GRM7: variants seen among roughly 807,000 people sequenced by gnomAD.
The protein encoded by GRM7 is metabotropic glutamate receptor 7.
Under a neutral mutation model 84.5 loss-of-function variants are expected in GRM7, and 35 were observed. The observed-to-expected ratio is 0.41, with a 90% CI of 0.32 to 0.55. The LOEUF is 0.55. Among genes scored for constraint, GRM7 ranks in the 20% least tolerant of loss-of-function variants. GRM7 has a pLI of 0.19. For synonymous variants in GRM7, 487 were observed against 455.1 expected, an observed-to-expected ratio of 1.07 and a Z score of -0.89; for missense variants, 1,003 against 1,194.6, an observed-to-expected ratio of 0.84 and a Z score of 2.36.
chr3:7,664,345 A>C (rs1699589781), intron 8 of GRM7, among the ~76,000 whole-genome samples: 1 of 152,148 alleles, frequency 6.6e-6, no homozygotes, highest in East Asian at 1.9e-4. Flanking sequence ...TGCACTTCCC[A>C]GGATTCCACT....
chr3:6,903,676 G>A (rs926916927), intron 1 of GRM7, among the ~76,000 whole-genome samples: 1 of 152,104 alleles, frequency 6.6e-6, no homozygotes, highest in African/African-American at 2.4e-5. Context: ...GAATGGCTAA[G>A]GTAGAAGTTG....
chr3:7,669,653 A>C (rs1193640597), intron 8 of GRM7, among the ~76,000 whole-genome samples: 2 of 152,182 alleles, frequency 1.3e-5, no homozygotes, highest in African/African-American at 2.4e-5. Context: ...TAGAAGCCTG[A>C]CGACAGGCCC....
intron 4 of GRM7, among the ~76,000 whole-genome samples, chr3:7,412,734 GA>G (rs1261745480): frequency 6.6e-6 from 1 of 151,978 alleles, no homozygotes; most frequent in African/African-American, 2.4e-5. Flanking sequence ...ATTAATTTTT[GA>G]AATTAAATTT....
At chr3:7,274,635 G>GT in intron 2 of GRM7, among the ~76,000 whole-genome samples, 1 of 151,942 alleles carries the variant, frequency 6.6e-6, no homozygotes, top group East Asian at 1.9e-4. Flanking sequence ...GAGATTGTCT[G>GT]TAATTCTTAT....
chr3:7,484,898 A>C (rs1699264492), intron 7 of GRM7, among the ~76,000 whole-genome samples: 2 of 152,162 alleles, frequency 1.3e-5, no homozygotes, highest in South Asian at 4.1e-4. Context: ...TTACAAAAAG[A>C]CTGTGGTGTC....
At chr3:7,675,538 T>G (rs1450224062) in intron 8 of GRM7, among the ~76,000 whole-genome samples, 1 of 152,212 alleles carries the variant, frequency 6.6e-6, no homozygotes, top group East Asian at 1.9e-4. Flanking sequence ...CATTCATATT[T>G]TATCCAACAA....
chr3:7,228,599 G>T (rs535621680), intron 2 of GRM7, among the ~76,000 whole-genome samples: 48 of 152,122 alleles, frequency 3.2e-4, no homozygotes, highest in Non-Finnish European at 6.3e-4. Flanking sequence ...TTTATATCCC[G>T]TGTATACGGA....
chr3:6,927,720 C>T (rs954099664), intron 1 of GRM7, among the ~76,000 whole-genome samples: 2 of 151,934 alleles, frequency 1.3e-5, no homozygotes, highest in African/African-American at 4.8e-5. Context: ...CTGTTTATGT[C>T]ATTTTTATCT....
Position 7,392,064 on chromosome 3 carries a change from A to G in GRM7, c.1034-22959A>G, listed in dbSNP as rs1695023199. Among the ~76,000 whole-genome samples, 6 of 152,126 alleles carry G rather than the reference A, an allele frequency of 3.9e-5. No homozygotes were observed. In the South Asian group the frequency reaches 1.2e-3, roughly 32 times the overall value. The stretch of plus-strand genomic sequence containing the variant: ...AGTTTCACGTTTTCTTTGACCCAAG[A>G]GGGCCTTTGGCAGACTGTGCTATCC... On this transcript the variant is annotated intron_variant, in intron 4 of 9. Transcript: ENST00000357716.
chr3:7,234,035 C>G (rs545832719), intron 2 of GRM7, among the ~76,000 whole-genome samples: 3 of 152,048 alleles, frequency 2.0e-5, no homozygotes, highest in Admixed American at 2.0e-4. Flanking sequence ...TTGTATTGCC[C>G]TAGGCTTTAA....
chr3:7,224,285 G>A (rs1209096545), intron 2 of GRM7, among the ~76,000 whole-genome samples: 8 of 152,150 alleles, frequency 5.3e-5, no homozygotes, highest in Non-Finnish European at 1.2e-4. Flanking sequence ...GAGAGAGGAG[G>A]CGAGGTGCTA....
chr3:7,182,835 A>G (rs1369508928), intron 2 of GRM7, among the ~76,000 whole-genome samples: 4 of 148,778 alleles, frequency 2.7e-5, no homozygotes, highest in Non-Finnish European at 5.9e-5. Context: ...TTCATATACA[A>G]TTTTATCTTG....
At position 7,678,901 on chromosome 3, in the gene GRM7, G is replaced by GACAA. The variant is rs1410690282; in HGVS notation, c.2452-1144_2452-1141dup. On this transcript the variant is annotated intron_variant, in intron 8 of 9. Transcript: ENST00000357716. Reference sequence around the variant, plus strand: ...ATAGGTAGGAAAAAGGTGTCCATTAGACAAACACATGAGCCTATCCATTGT... The same window carrying GACAA: ...ATAGGTAGGAAAAAGGTGTCCATTAGACAAACAAACACATGAGCCTATCCATTGT... Among the ~76,000 whole-genome samples, 4 of 152,314 alleles carry GACAA rather than the reference G, an allele frequency of 2.6e-5. No individual in the cohort carries two copies. The East Asian group carries it at 7.7e-4, about 29-fold the overall frequency.
intron 1 of GRM7, among the ~76,000 whole-genome samples, chr3:7,122,648 A>C (rs1283881891): frequency 1.3e-5 from 2 of 152,212 alleles, no homozygotes; most frequent in Non-Finnish European, 2.9e-5. Context: ...GTAATTACCT[A>C]ACTTTATTCT....
At chr3:7,388,098 A>G (rs1055720045) in intron 4 of GRM7, among the ~76,000 whole-genome samples, 4 of 151,994 alleles carry the variant, frequency 2.6e-5, no homozygotes, top group African/African-American at 7.2e-5. Flanking sequence ...CTTGAATGTT[A>G]TTGGTGGATA....
chr3:7,324,176 A>C (rs1389238334), intron 4 of GRM7, among the ~76,000 whole-genome samples: 1 of 152,190 alleles, frequency 6.6e-6, no homozygotes, highest in African/African-American at 2.4e-5. Flanking sequence ...GTGTGTTTTC[A>C]GGCAATGGTG....
intron 7 of GRM7, among the ~76,000 whole-genome samples, chr3:7,489,558 T>A (rs1260990301): frequency 6.6e-6 from 1 of 152,114 alleles, no homozygotes; most frequent in African/African-American, 2.4e-5. Flanking sequence ...TCTGTAAGGG[T>A]GGTGCTTCAG....
At chr3:7,473,528 G>GAGAGAGAGAA (rs1698797968) in intron 7 of GRM7, among the ~76,000 whole-genome samples, 2 of 138,928 alleles carry the variant, frequency 1.4e-5, no homozygotes, top group Non-Finnish European at 3.2e-5. Flanking sequence ...GAGAGAGAGA[G>GAGAGAGAGAA]AGAAACACCT....
intron 2 of GRM7, 78 bp from the exon 3 acceptor site, chr3:7,298,606 C>T: frequency 8.2e-7 from 1 of 1,220,878 alleles, no homozygotes; most frequent in Non-Finnish European, 1.2e-6. Flanking sequence ...TCAGAATCTC[C>T]TCCTCATCTA....
Sources: allele counts gnomAD v4.1 joint callset (sites outside exome capture counted in the v4.1 genomes callset), GRCh38; gene constraint gnomAD v4.1.1; transcripts MANE v1.5; gene names NCBI Gene and HGNC (gene_info 2026-07-23, HGNC 2026-07-21).